The following WRN variants were observed in gnomAD, a reference collection of about 807,000 sequenced individuals.
WRN encodes bifunctional 3'-5' exonuclease/ATP-dependent helicase WRN.
In WRN, 149 loss-of-function variants were observed where a neutral mutation model predicts 180.7. The observed-to-expected ratio is 0.82, with a 90% CI of 0.72 to 0.94. The LOEUF (loss-of-function observed/expected upper bound fraction) is 0.94. WRN is among the 40% of genes least tolerant of loss of function. The pLI is 0.00. For missense variants in WRN, 1,661 were observed against 1,700.1 expected, an observed-to-expected ratio of 0.98 and a Z score of 0.40; for synonymous variants, 548 against 568.9, an observed-to-expected ratio of 0.96 and a Z score of 0.52.
chr8:31,072,252 G>A (rs117346070), intron 7 of WRN, among the ~76,000 whole-genome samples: 81 of 152,354 alleles, frequency 5.3e-4, no homozygotes, highest in Non-Finnish European at 1.0e-3. Flanking sequence ...TCTGCTGAGA[G>A]TTTGAGAAAC....
intron 12 of WRN, 108 bp downstream of exon 12, chr8:31,088,028 A>T (rs888868779): frequency 6.5e-6 from 10 of 1,532,508 alleles, no homozygotes; most frequent in Admixed American, 2.0e-5. Context: ...TGTGGCATAT[A>T]GTTAATTATT....
intron 11 of WRN, among the ~76,000 whole-genome samples, chr8:31,086,507 G>C (rs898474019): frequency 6.6e-6 from 1 of 152,000 alleles, no homozygotes; most frequent in Non-Finnish European, 1.5e-5. Context: ...AGCCTGGGGA[G>C]GTTGAGGCTG....
chr8:31,141,652 C>T (rs929386421), intron 25 of WRN, 29 bp from the exon 26 acceptor site: 8 of 1,613,892 alleles, frequency 5.0e-6, no homozygotes, highest in Non-Finnish European at 6.8e-6. Flanking sequence ...TCCCACTCCA[C>T]ATTAAAAGAT....
In WRN at chr8:31,093,037, T is replaced by C. The variant is rs1220877745; in HGVS notation, c.1898+1139T>C. Among the ~76,000 whole-genome samples, 4 of 152,118 alleles carry C rather than the reference T, an allele frequency of 2.6e-5. No homozygotes were observed. The East Asian group carries it at 5.8e-4, about 22-fold the overall frequency. On this transcript the variant is annotated intron_variant, in intron 16 of 34. Transcript: ENST00000298139. ...ATAGCTTACTGCAGCCTCTAACTACTGGGCTCAAGCTATCCTCCTGCCTCT... is the reference window on the plus strand; with the variant it reads ...ATAGCTTACTGCAGCCTCTAACTACCGGGCTCAAGCTATCCTCCTGCCTCT...
intron 19 of WRN, among the ~76,000 whole-genome samples, chr8:31,116,020 C>G (rs779743556): frequency 6.6e-5 from 10 of 152,150 alleles, no homozygotes; most frequent in Admixed American, 1.3e-4. Context: ...AATCTGGTGC[C>G]TTGCATTCCC....
At chr8:31,076,612 T>C (rs1813104937) in intron 8 of WRN, among the ~76,000 whole-genome samples, 1 of 152,160 alleles carries the variant, frequency 6.6e-6, no homozygotes, top group African/African-American at 2.4e-5. Context: ...AAGGAAAATA[T>C]TTAAGATTCA....
chr8:31,059,915 G>A (rs1040760599), intron 3 of WRN, among the ~76,000 whole-genome samples: 5 of 152,078 alleles, frequency 3.3e-5, no homozygotes, highest in Admixed American at 3.3e-4. Flanking sequence ...AATTAGCCAG[G>A]TGTGGTGGCG....
chr8:31,166,619 C>G (rs1001060582), intron 33 of WRN, among the ~76,000 whole-genome samples: 12 of 152,172 alleles, frequency 7.9e-5, no homozygotes, highest in African/African-American at 2.9e-4. Context: ...TATACTTGAT[C>G]TTAGGCAAAA....
chr8:31,128,774 G>A (rs565103762), intron 23 of WRN, among the ~76,000 whole-genome samples: 1 of 152,280 alleles, frequency 6.6e-6, no homozygotes, highest in East Asian at 1.9e-4. Context: ...CAGGAGAATG[G>A]TGTGAACCCA....
In WRN at chr8:31,175,270, A is replaced by G. The variant is rs1290942632; in HGVS notation, c.*2168A>G. 6.6e-6 allele frequency among the ~76,000 whole-genome samples: 1 copy of G among 152,084 alleles called. No individual in the cohort carries two copies. Among genetic ancestry groups the G allele is most frequent in the Non-Finnish European group, 1.5e-5 (1 of 68,018 alleles). On this transcript the variant is annotated 3_prime_UTR_variant, in exon 35 of 35. Transcript: ENST00000298139. ...GCCAACATGGTGAAACCCCGTCTCTACTAAAAATACAAAAATTAGCTGGGT... is the reference window on the plus strand; with the variant it reads ...GCCAACATGGTGAAACCCCGTCTCTGCTAAAAATACAAAAATTAGCTGGGT...
rs1442789662 is a variant in WRN at position 31,080,917 on chromosome 8, G to A, written c.890G>A (p.Arg297Lys). 6.2e-7 allele frequency: 1 copy of A among 1,612,680 alleles called. No individual in the cohort carries two copies. Among genetic ancestry groups the A allele is most frequent in the East Asian group, 2.2e-5 (1 of 44,812 alleles). The change falls in exon 9 of 35, where the codon AGG (arginine) becomes AAG (lysine). Residue 297 changes from arginine to lysine, a missense_variant. This residue lies in a region of WRN where 500 missense variants were observed against 504.1 expected (regional missense o/e 0.99). Transcript: ENST00000298139. ...DISENLYSLR[R>K]MIIGSTNIET... is the part of the protein sequence containing the mutation. ...TCAGAAAATCTATATTCACTGAGGA[G>A]GATGATAATTGGGTCTACTAACATT...
At chr8:31,073,971 CA>C (rs1249029185) in intron 7 of WRN, among the ~76,000 whole-genome samples, 1 of 151,580 alleles carries the variant, frequency 6.6e-6, no homozygotes. Flanking sequence ...GGCTGGAGTG[CA>C]GTGGCGCGAT....
intron 19 of WRN, among the ~76,000 whole-genome samples, chr8:31,114,278 AC>A (rs1476193492): frequency 6.6e-6 from 1 of 152,128 alleles, no homozygotes; most frequent in East Asian, 1.9e-4. Flanking sequence ...TCTTAAACTA[AC>A]CCTATTTTGT....
chr8:31,143,476 T>C (rs1378229302), intron 27 of WRN, 74 bp from the exon 28 acceptor site: 6 of 1,038,632 alleles, frequency 5.8e-6, no homozygotes, highest in Non-Finnish European at 8.7e-6. Context: ...TTTGAGATTT[T>C]TGTTTCTTAT....
At chr8:31,109,069 A>G (rs1189976444) in intron 18 of WRN, among the ~76,000 whole-genome samples, 1 of 152,204 alleles carries the variant, frequency 6.6e-6, no homozygotes, top group African/African-American at 2.4e-5. Context: ...AAGTTCCTCA[A>G]TTGCAGCCAA....
Position 31,093,436 on chromosome 8 carries a change from T to C in WRN, c.1898+1538T>C, listed in dbSNP as rs575630571. ...TGTTGTTGTTGTTTTAATATCTGAT[T>C]ATTATTTTATTGTATTTCATTGAAT... On this transcript the variant is annotated intron_variant, in intron 16 of 34. Transcript: ENST00000298139. 3.9e-5 allele frequency among the ~76,000 whole-genome samples: 6 copies of C among 152,288 alleles called. No individual in the cohort carries two copies. The East Asian group carries it at 1.2e-3, about 29-fold the overall frequency.
In WRN at chr8:31,059,490, GT is replaced by G. The variant is rs924710091; in HGVS notation, c.209+234del. Among the ~76,000 whole-genome samples, 18 of 151,484 alleles carry G rather than the reference GT, an allele frequency of 1.2e-4. 1 individual carries two copies. The highest frequency in any genetic ancestry group is 3.6e-4 in the African/African-American group (15 of 41,312). The stretch of plus-strand genomic sequence containing the variant: ...ATAAGCTTTTCTATTACTTCAGACA[GT>G]TTTTTTTTAACTTTTTTAATATATG... On this transcript the variant is annotated intron_variant, in intron 3 of 34. Coordinates refer to ENST00000298139, the MANE Select transcript of WRN (RefSeq NM_000553.6).
intron 18 of WRN, among the ~76,000 whole-genome samples, chr8:31,103,859 C>T (rs1563353297): frequency 6.6e-6 from 1 of 151,870 alleles, no homozygotes; most frequent in East Asian, 1.9e-4. Context: ...CTCAGCCTCC[C>T]GAGTAGCTGA....
At chr8:31,164,297 G>A (rs1010859788) in intron 33 of WRN, among the ~76,000 whole-genome samples, 1 of 152,056 alleles carries the variant, frequency 6.6e-6, no homozygotes, top group Admixed American at 6.5e-5. Context: ...AAGGAATGAG[G>A]ATATACATAC....
Sources: gnomAD v4.1 joint callset for allele counts (sites outside exome capture counted in the v4.1 genomes callset) on GRCh38, gnomAD v4.1.1 for gene constraint, gnomAD v4.1.1 regional missense constraint, MANE v1.5 for transcripts, NCBI Gene and HGNC (gene_info 2026-07-23, HGNC 2026-07-21) for gene names.